The following FGF12 variants were observed in gnomAD, a reference collection of about 807,000 sequenced individuals.
FGF12 encodes the protein fibroblast growth factor 12.
Under a neutral mutation model 23.6 loss-of-function variants are expected in FGF12, and 14 were observed. The ratio of observed to expected loss-of-function variants is 0.59; its 90% CI spans 0.39 to 0.93. FGF12 has a LOEUF of 0.93. Ranked by LOEUF, FGF12 falls within the 40% of genes least tolerant of loss-of-function variation. The probability of loss-of-function intolerance (pLI) is 0.00; values close to 1 mark genes in which losing one functional copy is unlikely to be tolerated. For missense variants in FGF12, 175 were observed against 217.8 expected (o/e 0.80, Z 1.24); for synonymous variants, 62 against 77.3 (o/e 0.80, Z 1.04).
At chr3:192,432,432 A>G (rs1327852711) in intron 2 of FGF12, among the ~76,000 whole-genome samples, 1 of 152,084 alleles carries the variant, frequency 6.6e-6, no homozygotes, top group South Asian at 2.1e-4. Context: ...CCCCTTCGAC[A>G]TAAGTAGGAG....
At chr3:192,242,923 G>C (rs1719696422) in intron 4 of FGF12, among the ~76,000 whole-genome samples, 1 of 151,886 alleles carries the variant, frequency 6.6e-6, no homozygotes, top group African/African-American at 2.4e-5. Context: ...AAAATAGTAA[G>C]AAAATTTAGT....
At chr3:192,715,031 T>A (rs1718823800) in intron 2 of FGF12, among the ~76,000 whole-genome samples, 1 of 152,196 alleles carries the variant, frequency 6.6e-6, no homozygotes, top group Non-Finnish European at 1.5e-5. Flanking sequence ...GTCACTGCAT[T>A]TCTTCTGGCC....
At chr3:192,390,739 AGGC>A (rs1199270799) in intron 2 of FGF12, among the ~76,000 whole-genome samples, 1 of 152,216 alleles carries the variant, frequency 6.6e-6, no homozygotes, top group Non-Finnish European at 1.5e-5. Context: ...ACAGTCAACG[AGGC>A]GTGTGACTGA....
chr3:192,707,835 C>T (rs1332282234), intron 2 of FGF12, among the ~76,000 whole-genome samples: 1 of 151,596 alleles, frequency 6.6e-6, no homozygotes, highest in Non-Finnish European at 1.5e-5. Flanking sequence ...GAATTTCTTC[C>T]ACCAAGGTGC....
chr3:192,577,286 T>C (rs1327768259), intron 2 of FGF12, among the ~76,000 whole-genome samples: 1 of 152,258 alleles, frequency 6.6e-6, no homozygotes, highest in Non-Finnish European at 1.5e-5. Flanking sequence ...TGTTTGTTTA[T>C]TCTTTTCTAT....
At chr3:192,722,796 A>G (rs550266964) in intron 2 of FGF12, among the ~76,000 whole-genome samples, 1 of 152,332 alleles carries the variant, frequency 6.6e-6, no homozygotes, top group South Asian at 2.1e-4. Context: ...GATTTTGCCC[A>G]CGAGAAGGTT....
intron 4 of FGF12, among the ~76,000 whole-genome samples, chr3:192,307,000 A>C (rs968102909): frequency 6.6e-6 from 1 of 152,220 alleles, no homozygotes; most frequent in East Asian, 1.9e-4. Context: ...GATTTGTTTA[A>C]TATTCTCATG....
chr3:192,633,409 T>G (rs1236145903), intron 2 of FGF12, among the ~76,000 whole-genome samples: 1 of 152,100 alleles, frequency 6.6e-6, no homozygotes, highest in African/African-American at 2.4e-5. Context: ...TTCATCTTAA[T>G]TCAGGATCCT....
chr3:192,458,400 AG>A (rs1210723571), intron 2 of FGF12, among the ~76,000 whole-genome samples: 2 of 152,192 alleles, frequency 1.3e-5, no homozygotes, highest in Non-Finnish European at 2.9e-5. Flanking sequence ...GCAAAGTCAC[AG>A]GGGCAGAGCT....
At position 192,711,768 on chromosome 3, in the gene FGF12, C is replaced by T. The variant is rs185389280; in HGVS notation, c.13+15413G>A. 3.2e-3 allele frequency among the ~76,000 whole-genome samples: 488 copies of T among 152,010 alleles called. 1 individual carries two copies. The highest frequency in any genetic ancestry group is 5.5e-3 in the Non-Finnish European group (375 of 67,962). ...AGGCAGCATGCTCCTTAAGAGTCATCACCACTCCCTAATCTCAAGTACCCA... is the reference window on the plus strand; with the variant it reads ...AGGCAGCATGCTCCTTAAGAGTCATTACCACTCCCTAATCTCAAGTACCCA... On this transcript the variant is annotated intron_variant, in intron 2 of 5. Transcript: ENST00000445105.
At chr3:192,253,905 T>C (rs1249972302) in intron 4 of FGF12, among the ~76,000 whole-genome samples, 2 of 152,080 alleles carry the variant, frequency 1.3e-5, no homozygotes, top group Non-Finnish European at 2.9e-5. Context: ...TAATTAACTT[T>C]AACTTGACGA....
At chr3:192,556,356 G>C (rs1560149288) in intron 2 of FGF12, among the ~76,000 whole-genome samples, 1 of 152,066 alleles carries the variant, frequency 6.6e-6, no homozygotes, top group African/African-American at 2.4e-5. Flanking sequence ...TAAGCAAAGA[G>C]AATCATGGTA....
intron 4 of FGF12, among the ~76,000 whole-genome samples, chr3:192,207,673 A>C (rs866015929): frequency 6.6e-6 from 1 of 152,204 alleles, no homozygotes; most frequent in South Asian, 2.1e-4. Context: ...AGGGCTTGGC[A>C]TTTATCCAGC....
At chr3:192,535,041 A>G (rs1287481505) in intron 2 of FGF12, among the ~76,000 whole-genome samples, 1 of 152,166 alleles carries the variant, frequency 6.6e-6, no homozygotes, top group Non-Finnish European at 1.5e-5. Context: ...TTTGTAATAA[A>G]ATCATTATTA....
intron 4 of FGF12, among the ~76,000 whole-genome samples, chr3:192,291,266 A>T (rs1714743855): frequency 6.6e-6 from 1 of 152,104 alleles, no homozygotes; most frequent in Admixed American, 6.6e-5. Flanking sequence ...TGAGAATCTT[A>T]TGGATGTTAC....
At chr3:192,264,673 T>C (rs976696816) in intron 4 of FGF12, among the ~76,000 whole-genome samples, 1 of 152,146 alleles carries the variant, frequency 6.6e-6, no homozygotes, top group African/African-American at 2.4e-5. Context: ...TTATACTTTA[T>C]TGAGTAGAAT....
intron 2 of FGF12, among the ~76,000 whole-genome samples, chr3:192,600,505 A>G (rs1714069326): frequency 6.6e-6 from 1 of 152,146 alleles, no homozygotes; most frequent in African/African-American, 2.4e-5. Context: ...CAAAGTGAAA[A>G]GGCAACCTAT....
chr3:192,575,408 C>T (rs531493000), intron 2 of FGF12, among the ~76,000 whole-genome samples: 35 of 152,322 alleles, frequency 2.3e-4, no homozygotes, highest in African/African-American at 8.4e-4. Flanking sequence ...TGGCCCTGTC[C>T]TAATGTACTT....
chr3:192,236,205 T>C (rs546816163), intron 4 of FGF12, among the ~76,000 whole-genome samples: 2 of 150,622 alleles, frequency 1.3e-5, no homozygotes, highest in South Asian at 4.3e-4. Context: ...ATTCTTATTT[T>C]GCTGTGTTCT....
Sources: allele counts gnomAD v4.1 joint callset (sites outside exome capture counted in the v4.1 genomes callset), GRCh38; gene constraint gnomAD v4.1.1; transcripts MANE v1.5; gene names NCBI Gene and HGNC (gene_info 2026-07-23, HGNC 2026-07-21).